ST8SIA4: variants seen among roughly 807,000 people sequenced by gnomAD.
The protein encoded by ST8SIA4 is ST8 alpha-N-acetyl-neuraminide alpha-2,8-sialyltransferase 4.
ST8SIA4 carries 15 observed loss-of-function variants against 33.9 expected under a neutral mutation model. The observed-to-expected ratio is 0.44, with a 90% CI of 0.30 to 0.68. The LOEUF (loss-of-function observed/expected upper bound fraction) is 0.68. ST8SIA4 is among the 30% of genes least tolerant of loss of function. The pLI, the probability that ST8SIA4 is intolerant of heterozygous loss-of-function variation, is 0.10. For missense variants in ST8SIA4, 321 were observed against 428.0 expected, an observed-to-expected ratio of 0.75 and a Z score of 2.21; for synonymous variants, 171 against 151.2, an observed-to-expected ratio of 1.13 and a Z score of -0.96.
rs115574549 is a variant in ST8SIA4 at position 100,857,234 on chromosome 5, T to C, written c.504-838A>G. 5.1e-4 allele frequency among the ~76,000 whole-genome samples: 78 copies of C among 152,068 alleles called. 1 individual carries two copies. The South Asian group carries it at 0.015, about 30-fold the overall frequency. ...GGCCTGATGTTGTTTATATAACCTG[T>C]TATTTATATTTATATAATCTAATAT... On this transcript the variant is annotated intron_variant, in intron 3 of 4. Coordinates refer to ENST00000231461, the MANE Select transcript of ST8SIA4 (RefSeq NM_005668.6).
chr5:100,886,385 C>T lies in ST8SIA4; in HGVS notation c.461G>A (p.Ser154Asn). The T allele has an allele frequency of 6.2e-7, 1 of 1,613,882 alleles. No individual in the cohort carries two copies. The highest frequency in any genetic ancestry group is 1.6e-4 in the Middle Eastern group (1 of 6,062). ...ACTGTCAATCTCCTTTCCACATTCA[C>T]TGTCTAACAGAATGCCAGAATTTCC... ...VVGNSGILLD[S>N]ECGKEIDSHN... The change falls in exon 3 of 5, where the codon AGT becomes AAT. Residue 154 changes from serine to asparagine, a missense_variant. Coordinates refer to ENST00000231461, the MANE Select transcript of ST8SIA4 (RefSeq NM_005668.6).
At chr5:100,877,781 C>T (rs1752337800) in intron 3 of ST8SIA4, among the ~76,000 whole-genome samples, 1 of 152,046 alleles carries the variant, frequency 6.6e-6, no homozygotes. Context: ...TCAAAATTGT[C>T]TTTGATTTTT....
intron 2 of ST8SIA4, among the ~76,000 whole-genome samples, chr5:100,888,469 A>C (rs1298723134): frequency 1.3e-5 from 2 of 151,940 alleles, no homozygotes; most frequent in African/African-American, 4.8e-5. Context: ...AATTTGAGAA[A>C]ACGCTACACC....
chr5:100,877,437 A>C (rs966308272), intron 3 of ST8SIA4, among the ~76,000 whole-genome samples: 1 of 152,184 alleles, frequency 6.6e-6, no homozygotes, highest in Admixed American at 6.6e-5. Context: ...ACACTTGAGG[A>C]AGGAAATGTG....
Position 100,807,321 on chromosome 5 carries a change from A to G in ST8SIA4, c.*4526T>C, listed in dbSNP as rs776826691. 3 of 152,632 alleles carry G rather than the reference A, an allele frequency of 2.0e-5. No individual in the cohort carries two copies. Among genetic ancestry groups the G allele is most frequent in the African/African-American group, 7.2e-5 (3 of 41,472 alleles). 9.5% of individuals were successfully genotyped at this position (152,632 alleles called of 1,614,324 possible). On this transcript the variant is annotated 3_prime_UTR_variant, in exon 5 of 5. Coordinates refer to ENST00000231461, the MANE Select transcript of ST8SIA4 (RefSeq NM_005668.6). Reference sequence around the variant, plus strand: ...ACAGAATGAACTTGAACTTGACAGAATAAACCTCATCTTTCAGTTCCACAA... The same window carrying G: ...ACAGAATGAACTTGAACTTGACAGAGTAAACCTCATCTTTCAGTTCCACAA...
rs183479152 is a variant in ST8SIA4 at position 100,818,498 on chromosome 5, A to G, written c.798-6369T>C. Among the ~76,000 whole-genome samples, 404 of 152,334 alleles carry G rather than the reference A, an allele frequency of 2.7e-3. 2 individuals are homozygous for G. The highest frequency in any genetic ancestry group is 9.2e-3 in the African/African-American group (382 of 41,576). ...TATATTTTACTTAACCACATTGCAA[A>G]TGACAAAGGCAATGACATTGTACCA... On this transcript the variant is annotated intron_variant, in intron 4 of 4. Transcript: ENST00000231461.
chr5:100,849,113 T>G (rs1751630866), intron 4 of ST8SIA4: 1 of 960,856 alleles, frequency 1.0e-6, no homozygotes, highest in Admixed American at 6.2e-5. Flanking sequence ...AATGAACCTG[T>G]TTAGGAAGTT....
At chr5:100,879,595 C>T (rs1311081661) in intron 3 of ST8SIA4, among the ~76,000 whole-genome samples, 4 of 152,126 alleles carry the variant, frequency 2.6e-5, no homozygotes, top group Non-Finnish European at 1.5e-5. Context: ...TACCTTACAA[C>T]ATTTCTCTAG....
intron 3 of ST8SIA4, among the ~76,000 whole-genome samples, chr5:100,879,989 G>C (rs1210518231): frequency 6.6e-6 from 1 of 152,066 alleles, no homozygotes; most frequent in Non-Finnish European, 1.5e-5. Flanking sequence ...CATTATTATG[G>C]TAATATTGAA....
At chr5:100,853,709 A>G (rs536674052) in intron 4 of ST8SIA4, among the ~76,000 whole-genome samples, 1 of 152,342 alleles carries the variant, frequency 6.6e-6, no homozygotes, top group East Asian at 1.9e-4. Flanking sequence ...TGTTTAAAAT[A>G]TCTGTAAAAA....
intron 3 of ST8SIA4, among the ~76,000 whole-genome samples, chr5:100,861,014 G>C (rs1751928469): frequency 1.3e-5 from 2 of 152,078 alleles, no homozygotes; most frequent in Admixed American, 6.6e-5. Flanking sequence ...AATGATACTA[G>C]AAAGTATTAA....
intron 4 of ST8SIA4, among the ~76,000 whole-genome samples, chr5:100,842,397 T>C (rs905637186): frequency 1.3e-5 from 2 of 151,832 alleles, no homozygotes; most frequent in Non-Finnish European, 2.9e-5. Context: ...TATTTGATTA[T>C]AGCACAGATG....
At chr5:100,855,695 A>G (rs1054783739) in intron 4 of ST8SIA4, among the ~76,000 whole-genome samples, 3 of 152,218 alleles carry the variant, frequency 2.0e-5, no homozygotes, top group Non-Finnish European at 4.4e-5. Flanking sequence ...CCTCTTGGCT[A>G]CAGATGGGAC....
intron 4 of ST8SIA4, among the ~76,000 whole-genome samples, chr5:100,827,734 G>A (rs1252757606): frequency 6.6e-6 from 1 of 152,194 alleles, no homozygotes; most frequent in Non-Finnish European, 1.5e-5. Flanking sequence ...CCTGGCTTCA[G>A]AGACAAACTG....
chr5:100,879,624 T>C (rs545454000), intron 3 of ST8SIA4, among the ~76,000 whole-genome samples: 4 of 152,206 alleles, frequency 2.6e-5, no homozygotes, highest in Non-Finnish European at 4.4e-5. Context: ...ACACTGAGTT[T>C]ATGTAAATTC....
chr5:100,811,844 G>T lies in ST8SIA4; in HGVS notation c.*3C>A. The T allele has an allele frequency of 1.3e-6, 2 of 1,599,474 alleles. No individual in the cohort carries two copies. The highest frequency in any genetic ancestry group is 2.2e-5 in the South Asian group (2 of 89,166). On this transcript the variant is annotated 3_prime_UTR_variant, in exon 5 of 5. Transcript: ENST00000231461. ...GTGCATATTGTTTGTTTCAAAATGTGCTTTATTGCTTTACACACTTTCCTG... is the reference window on the plus strand; with the variant it reads ...GTGCATATTGTTTGTTTCAAAATGTTCTTTATTGCTTTACACACTTTCCTG...
intron 3 of ST8SIA4, among the ~76,000 whole-genome samples, chr5:100,860,380 T>G (rs1751910230): frequency 6.6e-6 from 1 of 152,182 alleles, no homozygotes; most frequent in African/African-American, 2.4e-5. Context: ...TTTCTGCCCC[T>G]AAAGGAAGCT....
chr5:100,863,443 G>T (rs772982663), intron 3 of ST8SIA4, among the ~76,000 whole-genome samples: 67 of 152,186 alleles, frequency 4.4e-4, no homozygotes, highest in Admixed American at 1.1e-3. Context: ...TAAAACCAGT[G>T]GCCCATATTC....
At chr5:100,888,343 A>C (rs958545293) in intron 2 of ST8SIA4, among the ~76,000 whole-genome samples, 2 of 151,976 alleles carry the variant, frequency 1.3e-5, no homozygotes, top group African/African-American at 2.4e-5. Flanking sequence ...TGATATTCAA[A>C]GCAGGGGGTT....
Sources: gnomAD v4.1 joint callset for allele counts (sites outside exome capture counted in the v4.1 genomes callset) on GRCh38, gnomAD v4.1.1 for gene constraint, MANE v1.5 for transcripts, NCBI Gene and HGNC (gene_info 2026-07-23, HGNC 2026-07-21) for gene names.